Variants in HIRIP3 observed in about 807,000 individuals in gnomAD.
HIRIP3 encodes HIRA-interacting protein 3.
A neutral mutation model predicts 50.3 loss-of-function variants in HIRIP3; 40 were observed. That is an observed-to-expected ratio of 0.79 (90% confidence interval 0.62 to 1.03). HIRIP3 has a LOEUF of 1.03. Ranked by LOEUF, HIRIP3 falls within the 50% of genes least tolerant of loss-of-function variation. The pLI is 0.00. For synonymous variants in HIRIP3, 318 were observed against 261.6 expected (o/e 1.22, Z -2.08); for missense variants, 765 against 705.4 (o/e 1.08, Z -0.96).
chr16:29,995,164 C>A lies in HIRIP3; in HGVS notation c.240G>T (p.Lys80Asn), dbSNP rs780958050. 2 of 1,614,262 alleles carry A rather than the reference C, an allele frequency of 1.2e-6. No individual in the cohort carries two copies. The highest frequency in any genetic ancestry group is 1.7e-6 in the Non-Finnish European group (2 of 1,180,042). ...EDKLDLTKKG[K>N]RPPTPCSDPE... ...GGTCGCTACAAGGGGTGGGAGGCCT[C>A]TTGCCCTTCTTGGTAAGGTCCAGTT... The change falls in exon 3 of 7, where the codon AAG (lysine) becomes AAT (asparagine). Residue 80 changes from lysine (K) to asparagine (N), a missense_variant. By Grantham distance (94) the Lys-to-Asn change is moderately conservative. Transcript: ENST00000279392.
Position 29,994,579 on chromosome 16 carries a change from C to T in HIRIP3, c.566G>A (p.Arg189Lys), listed in dbSNP as rs1009020499. 3 of 1,614,034 alleles carry T rather than the reference C, an allele frequency of 1.9e-6. No homozygotes were observed. The highest frequency in any genetic ancestry group is 2.7e-5 in the African/African-American group (2 of 74,904). The change falls in exon 4 of 7, where the codon AGG becomes AAG. Residue 189 changes from arginine to lysine, a missense_variant. Coordinates refer to ENST00000279392, the MANE Select transcript of HIRIP3 (RefSeq NM_003609.5). ...KQAPGKASVSRKQAREESEES... is the reference protein window; with the variant it reads ...KQAPGKASVSKKQAREESEES... ...CTCACTTTCTTCCCTGGCCTGCTTC[C>T]TACTGACTGAGGCCTTGCCTGGTGC...
chr16:29,995,735 G>T, upstream of HIRIP3: 1 of 1,153,676 alleles, frequency 8.7e-7, no homozygotes, highest in Admixed American at 2.2e-5. Flanking sequence ...CCTTGGCCGC[G>T]GACCGCGTGG....
chr16:29,994,420 T>C lies in HIRIP3; in HGVS notation c.725A>G (p.Glu242Gly), dbSNP rs1469092556. The stretch of plus-strand genomic sequence containing the variant: ...CTCTTCTTTCTCTTCCTCCTCCACT[T>C]CCTCCTCTCTCTGCTCTTTCTTCTG... Reference protein sequence around the residue: ...LAQKKEQREEEVEEEEKEEDE... With the variant: ...LAQKKEQREEGVEEEEKEEDE... Residue 242 changes from glutamate (E) to glycine (G), a missense_variant, in exon 4 of 7, where the codon GAA becomes GGA. By Grantham distance (98) the Glu-to-Gly change is moderately conservative (BLOSUM62 -2). Coordinates refer to ENST00000279392, the MANE Select transcript of HIRIP3 (RefSeq NM_003609.5). 6.2e-7 allele frequency: 1 copy of C among 1,613,568 alleles called. No homozygotes were observed. The highest frequency in any genetic ancestry group is 1.1e-5 in the South Asian group (1 of 91,054).
At position 29,993,540 on chromosome 16, in the gene HIRIP3, TC is replaced by T. The variant is rs773934939; in HGVS notation, c.1425del (p.Lys476SerfsTer5). On this transcript the variant is annotated frameshift_variant, in exon 6 of 7. Coordinates refer to ENST00000279392, the MANE Select transcript of HIRIP3 (RefSeq NM_003609.5). LOFTEE classifies it high-confidence loss of function. The part of the protein sequence containing the change: ...ALGMKGTPSL[G>X]KCRALKEQRE... ...CTCTGCTCCTTCAGGGCCCGACACT[TC>T]CCTAGGGAAGGGGTACCTGGGGCAG... 21 of 1,613,586 alleles carry T rather than the reference TC, an allele frequency of 1.3e-5. No individual in the cohort carries two copies. The South Asian group carries it at 2.3e-4, about 18-fold the overall frequency.
rs2070005320 is a variant in HIRIP3, at chr16:29,993,109, T to C, written c.*98A>G. On this transcript the variant is annotated 3_prime_UTR_variant, in exon 7 of 7. Transcript: ENST00000279392. ...CTTGTGTCCTTGGGAGCTGCAGTCT[T>C]CTCTGAAGGAAGCTGCTTCTGTTCC... The C allele has an allele frequency of 2.6e-6, 3 of 1,154,320 alleles. No individual in the cohort carries two copies. The highest frequency in any genetic ancestry group is 5.4e-5 in the East Asian group (2 of 36,822). 71.5% of individuals were successfully genotyped at this position (1,154,320 alleles called of 1,614,324 possible). A position where few individuals can be genotyped will look rare whatever the true frequency, so the allele number is the denominator to read the frequency against.
In HIRIP3 at chr16:29,993,956, G is replaced by A. The variant is rs762365268; in HGVS notation, c.1189C>T (p.Arg397Ter). The change falls in exon 4 of 7, where the codon CGA becomes TGA. Residue 397 changes from arginine (R) to a stop codon, truncating the protein, a stop_gained. Transcript: ENST00000279392. LOFTEE classifies it high-confidence loss of function. ...SKKSSRKGRT[R>*]SSSSSSDGSP... ...CCATCTGAGGAGGAAGAGGAGCTTC[G>A]TGTCCTGCCTTTCCTGGAGCTCTTC... is the stretch of plus-strand genomic sequence containing the variant. The A allele has an allele frequency of 4.5e-6, 7 of 1,560,484 alleles. No individual in the cohort carries two copies. Among genetic ancestry groups the A allele is most frequent in the South Asian group, 3.6e-5 (3 of 82,200 alleles).
chr16:29,995,571 C>T lies in HIRIP3; in HGVS notation c.35G>A (p.Arg12His), dbSNP rs759046093. The change falls in exon 1 of 7, where the codon CGT becomes CAT. Residue 12 changes from arginine (R) to histidine (H), a missense_variant. Transcript: ENST00000279392. ...GTCCGGGCGGCCTCGGAAGAAGCTACGGGTGAACTCCTGCATCTCCTTCTC... is the reference window on the plus strand; with the variant it reads ...GTCCGGGCGGCCTCGGAAGAAGCTATGGGTGAACTCCTGCATCTCCTTCTC... Reference protein sequence around the residue: ...AREKEMQEFTRSFFRGRPDLS... With the variant: ...AREKEMQEFTHSFFRGRPDLS... The T allele has an allele frequency of 6.2e-7, 1 of 1,612,644 alleles. No individual in the cohort carries two copies. Among genetic ancestry groups the T allele is most frequent in the Non-Finnish European group, 8.5e-7 (1 of 1,180,020 alleles).
At position 29,994,599 on chromosome 16, in the gene HIRIP3, T is replaced by C; in HGVS notation, c.546A>G (p.Pro182=). The change falls in exon 4 of 7, where the codon CCA becomes CCG. Residue 182 remains proline, a synonymous_variant. Transcript: ENST00000279392. The stretch of plus-strand genomic sequence containing the variant: ...GCTTCCTACTGACTGAGGCCTTGCC[T>C]GGTGCCTGCTTCTTTACCACAGGTT... The part of the protein sequence containing the change: ...RKKPVVKKQA[P]GKASVSRKQA... The C allele has an allele frequency of 6.2e-7, 1 of 1,614,174 alleles. No individual in the cohort carries two copies. The highest frequency in any genetic ancestry group is 8.5e-7 in the Non-Finnish European group (1 of 1,180,028).
At position 29,993,961 on chromosome 16, in the gene HIRIP3, C is replaced by A; in HGVS notation, c.1184G>T (p.Arg395Met). 6.4e-7 allele frequency: 1 copy of A among 1,560,746 alleles called. No individual in the cohort carries two copies. The highest frequency in any genetic ancestry group is 8.7e-7 in the Non-Finnish European group (1 of 1,154,220). ...TGAGGAGGAAGAGGAGCTTCGTGTC[C>A]TGCCTTTCCTGGAGCTCTTCTTGGA... ...RSSKKSSRKGRTRSSSSSSDG... is the reference protein window; with the variant it reads ...RSSKKSSRKGMTRSSSSSSDG... The change falls in exon 4 of 7, where the codon AGG (arginine) becomes ATG (methionine). Residue 395 changes from arginine to methionine, a missense_variant. Coordinates refer to ENST00000279392, the MANE Select transcript of HIRIP3 (RefSeq NM_003609.5).
At position 29,992,702 on chromosome 16, in the gene HIRIP3, CT is replaced by C. The variant is rs2070000202; in HGVS notation, c.*504del. 6.5e-6 allele frequency: 1 copy of C among 152,792 alleles called. No homozygotes were observed. The highest frequency in any genetic ancestry group is 6.5e-5 in the Admixed American group (1 of 15,346). 9.5% of individuals were successfully genotyped at this position (152,792 alleles called of 1,614,324 possible). On this transcript the variant is annotated 3_prime_UTR_variant, in exon 7 of 7. Transcript: ENST00000279392. ...GTGGCTGTTTGCATAAGGGAGAAGG[CT>C]TAAGCACTGGCTGCCCTCAAGTCAT... is the stretch of plus-strand genomic sequence containing the variant.
rs1026828525 is a variant in HIRIP3 at position 29,994,279 on chromosome 16, G to C, written c.866C>G (p.Ser289Ter). The change falls in exon 4 of 7, where the codon TCA (serine) becomes TGA (stop). Residue 289 changes from serine to a stop codon, truncating the protein, a stop_gained. Transcript: ENST00000279392. LOFTEE classifies it high-confidence loss of function. Reference sequence around the variant, plus strand: ...CTCTTTCTGCTCTTCCTCGCTGTCTGAGTCTCCCAAGAGCCTCTTTGCCTG... The same window carrying C: ...CTCTTTCTGCTCTTCCTCGCTGTCTCAGTCTCCCAAGAGCCTCTTTGCCTG... ...KSQAKRLLGD[S>*]DSEEEQKEAA... 2 of 1,614,142 alleles carry C rather than the reference G, an allele frequency of 1.2e-6. No homozygotes were observed. The highest frequency in any genetic ancestry group is 1.7e-6 in the Non-Finnish European group (2 of 1,180,030).
Position 29,993,258 on chromosome 16 carries a change from TG to T in HIRIP3, c.1619del (p.Pro540GlnfsTer81). 6.3e-7 allele frequency: 1 copy of T among 1,575,254 alleles called. No individual in the cohort carries two copies. The highest frequency in any genetic ancestry group is 8.6e-7 in the Non-Finnish European group (1 of 1,160,848). On this transcript the variant is annotated frameshift_variant, in exon 7 of 7. Coordinates refer to ENST00000279392, the MANE Select transcript of HIRIP3 (RefSeq NM_003609.5). LOFTEE classifies it high-confidence loss of function. ...SDEERPRPAP[P>X]DWSHMRGIIS... ...TGATGCCACGCATATGTGACCAGTC[TG>T]GGGGTGCGGGACGGGGCCGCTCTTC...
chr16:29,993,614 A>G (rs773387396), intron 5 of HIRIP3, 26 bp downstream of exon 5: 1 of 1,611,814 alleles, frequency 6.2e-7, no homozygotes, highest in East Asian at 2.2e-5. Context: ...CCTCTCCTGC[A>G]GCCCCCAGGG....
rs763845357 is a variant in HIRIP3 at position 29,994,537 on chromosome 16, G to A, written c.608C>T (p.Pro203Leu). The A allele has an allele frequency of 1.2e-6, 2 of 1,614,044 alleles. No individual in the cohort carries two copies. Among genetic ancestry groups the A allele is most frequent in the Non-Finnish European group, 1.7e-6 (2 of 1,180,014 alleles). ...CACCTTCTTTGCTGTCCTCTGAACG[G>A]GTTCTGCCTCGCTCTCCTCACTTTC... ...REESEESEAE[P>L]VQRTAKKVEG... The change falls in exon 4 of 7, where the codon CCC (proline) becomes CTC (leucine). Residue 203 changes from proline to leucine, a missense_variant. Coordinates refer to ENST00000279392, the MANE Select transcript of HIRIP3 (RefSeq NM_003609.5).
chr16:29,995,217 C>G lies in HIRIP3; in HGVS notation c.187G>C (p.Val63Leu), dbSNP rs759380787. Residue 63 changes from valine to leucine, a missense_variant and splice_region_variant, in exon 3 of 7, where the codon GTG becomes CTG. Val to Leu is a conservative substitution (Grantham distance 32, BLOSUM62 1). Coordinates refer to ENST00000279392, the MANE Select transcript of HIRIP3 (RefSeq NM_003609.5). Reference sequence around the variant, plus strand: ...TCTTCCCTGGAAGCGGCTTCATCCACCTGTGTGTGCGCCAAGAGGGCAAAC... The same window carrying G: ...TCTTCCCTGGAAGCGGCTTCATCCAGCTGTGTGTGCGCCAAGAGGGCAAAC... ...LVEEELLKMQ[V>L]DEAASREDKL... 1.9e-6 allele frequency: 3 copies of G among 1,614,130 alleles called. No homozygotes were observed. Among genetic ancestry groups the G allele is most frequent in the Non-Finnish European group, 2.5e-6 (3 of 1,180,048 alleles).
At chr16:29,994,890 C>A in intron 3 of HIRIP3, 47 bp from the exon 4 acceptor site, 1 of 1,543,622 alleles carries the variant, frequency 6.5e-7, no homozygotes, top group East Asian at 2.3e-5. Context: ...CCTCCTGTCC[C>A]TTCTCCCTTC....
At position 29,994,812 on chromosome 16, in the gene HIRIP3, G is replaced by A. The variant is rs2070051047; in HGVS notation, c.333C>T (p.Tyr111=). Residue 111 remains tyrosine (Y), a synonymous_variant, in exon 4 of 7, where the codon TAC becomes TAT. Coordinates refer to ENST00000279392, the MANE Select transcript of HIRIP3 (RefSeq NM_003609.5). ...CCCCATTCTTTGCTGGGGGTCCAAA[G>A]TAGTCTGGGCTGGAGGCTTCAGAGC... ...ESGSEASSPD[Y]FGPPAKNGVA... 6.2e-7 allele frequency: 1 copy of A among 1,613,346 alleles called. No homozygotes were observed. The highest frequency in any genetic ancestry group is 8.5e-7 in the Non-Finnish European group (1 of 1,179,606).
chr16:29,994,814 A>G lies in HIRIP3; in HGVS notation c.331T>C (p.Tyr111His), dbSNP rs1567260626. 1.2e-6 allele frequency: 2 copies of G among 1,613,106 alleles called. No individual in the cohort carries two copies. Among genetic ancestry groups the G allele is most frequent in the Non-Finnish European group, 1.7e-6 (2 of 1,179,520 alleles). Residue 111 changes from tyrosine (Y) to histidine (H), a missense_variant, in exon 4 of 7, where the codon TAC (tyrosine) becomes CAC (histidine). By Grantham distance (83) the Tyr-to-His change is moderately conservative. Transcript: ENST00000279392. ...CCATTCTTTGCTGGGGGTCCAAAGT[A>G]GTCTGGGCTGGAGGCTTCAGAGCCG... ...ESGSEASSPD[Y>H]FGPPAKNGVA...
chr16:29,994,477 C>T lies in HIRIP3; in HGVS notation c.668G>A (p.Ser223Asn). 1 of 1,614,176 alleles carries T rather than the reference C, an allele frequency of 6.2e-7. No homozygotes were observed. Among genetic ancestry groups the T allele is most frequent in the Non-Finnish European group, 8.5e-7 (1 of 1,180,044 alleles). The stretch of plus-strand genomic sequence containing the variant: ...GATCTCCTCTTCACTCTCCTGTTCA[C>T]TTTCCTTCAGGCTTTTAGTTCCTTT... The part of the protein sequence containing the change: ...GNKGTKSLKE[S>N]EQESEEEILA... The change falls in exon 4 of 7, where the codon AGT becomes AAT. Residue 223 changes from serine (S) to asparagine (N), a missense_variant. Ser to Asn is a conservative substitution (Grantham distance 46). Coordinates refer to ENST00000279392, the MANE Select transcript of HIRIP3 (RefSeq NM_003609.5).
Sources: allele counts gnomAD v4.1 joint callset, GRCh38; gene constraint gnomAD v4.1.1; transcripts MANE v1.5; gene names NCBI Gene and HGNC (gene_info 2026-07-23, HGNC 2026-07-21).